The following USP14 variants were observed in gnomAD, a reference collection of about 807,000 sequenced individuals.
USP14 encodes ubiquitin specific peptidase 14.
A neutral mutation model predicts 76.5 loss-of-function variants in USP14; 38 were observed. That is an observed-to-expected ratio of 0.50 (90% CI 0.38 to 0.65). The LOEUF (loss-of-function observed/expected upper bound fraction) is 0.65. USP14 is among the 30% of genes least tolerant of loss of function. The probability of loss-of-function intolerance (pLI) is 0.00; values close to 1 mark genes in which losing one functional copy is unlikely to be tolerated. For synonymous variants in USP14, 192 were observed against 191.7 expected, an observed-to-expected ratio of 1.00 and a Z score of -0.01; for missense variants, 467 against 586.5, an observed-to-expected ratio of 0.80 and a Z score of 2.10.
chr18:195,412 G>C (rs1377977523), intron 6 of USP14, among the ~76,000 whole-genome samples: 2 of 152,174 alleles, frequency 1.3e-5, no homozygotes, highest in Admixed American at 1.3e-4. Flanking sequence ...GTATAATGAT[G>C]ATAGGTGACA....
intron 1 of USP14, among the ~76,000 whole-genome samples, chr18:159,517 T>C (rs963618865): frequency 1.3e-5 from 2 of 152,200 alleles, no homozygotes; most frequent in Non-Finnish European, 2.9e-5. Flanking sequence ...CAATTGGCTG[T>C]AGGTGTGTGA....
chr18:200,194 A>G (rs891251286), intron 10 of USP14, among the ~76,000 whole-genome samples: 3 of 152,148 alleles, frequency 2.0e-5, no homozygotes, highest in East Asian at 1.9e-4. Flanking sequence ...AGTTGTTTTC[A>G]TGGGCCCTAT....
chr18:158,684 C>A lies in USP14; in HGVS notation c.-15C>A, dbSNP rs1909021302. The A allele has an allele frequency of 2.6e-6, 4 of 1,525,686 alleles. No homozygotes were observed. Among genetic ancestry groups the A allele is most frequent in the East Asian group, 2.6e-5 (1 of 37,948 alleles). 94.5% of individuals were successfully genotyped at this position (1,525,686 alleles called of 1,614,324 possible). ...CCCAGCTCTCCTGCGCCGCCGCCTC[C>A]CGCCGCGCCCCGCCATGCCGCTCTA... is the stretch of plus-strand genomic sequence containing the variant. On this transcript the variant is annotated 5_prime_UTR_variant, in exon 1 of 16. Transcript: ENST00000261601.
At position 175,755 on chromosome 18, in the gene USP14, G is replaced by A. The variant is rs1909609493; in HGVS notation, c.196-3178G>A. 3.9e-5 allele frequency among the ~76,000 whole-genome samples: 6 copies of A among 152,092 alleles called. No homozygotes were observed. In the South Asian group the frequency reaches 1.2e-3, roughly 32 times the overall value. ...GAAGCATCCCCTCTTTTCTGAGTTT[G>A]TATTAATATTTTTTCTTCCTTTTTT... On this transcript the variant is annotated intron_variant, in intron 3 of 15. Coordinates refer to ENST00000261601, the MANE Select transcript of USP14 (RefSeq NM_005151.4).
intron 5 of USP14, among the ~76,000 whole-genome samples, chr18:185,889 A>T (rs1206043935): frequency 6.8e-6 from 1 of 146,502 alleles, no homozygotes; most frequent in Non-Finnish European, 1.5e-5. Context: ...TTAAGTAGAG[A>T]CAAGAGATGG....
chr18:158,758 C>T (rs1909025911), intron 1 of USP14, 44 bp downstream of exon 1: 1 of 1,451,432 alleles, frequency 6.9e-7, no homozygotes, highest in African/African-American at 1.5e-5. Context: ...CGGACCGGCG[C>T]TAGGCCTCCG....
intron 6 of USP14, among the ~76,000 whole-genome samples, chr18:194,462 A>C (rs1910176047): frequency 6.6e-6 from 1 of 152,230 alleles, no homozygotes; most frequent in Admixed American, 6.5e-5. Flanking sequence ...AATTTACAGA[A>C]AAGTTGTAAG....
intron 5 of USP14, among the ~76,000 whole-genome samples, chr18:188,999 C>G (rs1487375568): frequency 6.6e-6 from 1 of 152,000 alleles, no homozygotes; most frequent in Non-Finnish European, 1.5e-5. Context: ...TTTAAATGTA[C>G]TTATTCTCTT....
At chr18:169,266 C>T (rs1909371432) in intron 3 of USP14, among the ~76,000 whole-genome samples, 1 of 148,682 alleles carries the variant, frequency 6.7e-6, no homozygotes, top group Non-Finnish European at 1.5e-5. Flanking sequence ...TGGTGCACGC[C>T]AAGAGAATTG....
At chr18:182,574 A>C (rs1219546759) in intron 5 of USP14, among the ~76,000 whole-genome samples, 1 of 152,212 alleles carries the variant, frequency 6.6e-6, no homozygotes, top group Admixed American at 6.5e-5. Flanking sequence ...ATCTGTCTTC[A>C]AGGCACCTAC....
chr18:173,666 G>A (rs956463857), intron 3 of USP14, among the ~76,000 whole-genome samples: 1 of 152,036 alleles, frequency 6.6e-6, no homozygotes, highest in South Asian at 2.1e-4. Context: ...CAGGTGATCC[G>A]CCCACCTCGG....
intron 13 of USP14, among the ~76,000 whole-genome samples, chr18:205,655 C>T (rs1243812129): frequency 1.3e-5 from 2 of 152,092 alleles, no homozygotes; most frequent in East Asian, 1.9e-4. Context: ...GTGGCATACA[C>T]CGGTAGTTCT....
At chr18:174,268 CTTTTTT>C (rs34265974) in intron 3 of USP14, among the ~76,000 whole-genome samples, 1 of 130,556 alleles carries the variant, frequency 7.7e-6, no homozygotes, top group Non-Finnish European at 1.6e-5. Context: ...GTTTTTCTTT[CTTTTTT>C]TTTTTTTTTT....
chr18:198,503 G>A (rs1222683892), intron 9 of USP14, among the ~76,000 whole-genome samples: 1 of 152,070 alleles, frequency 6.6e-6, no homozygotes, highest in Non-Finnish European at 1.5e-5. Context: ...CCAGGTGTGA[G>A]CCACCGCGCC....
intron 13 of USP14, among the ~76,000 whole-genome samples, chr18:208,707 TGTG>T (rs1341262994): frequency 3.3e-5 from 5 of 152,128 alleles, no homozygotes; most frequent in Non-Finnish European, 2.9e-5. Flanking sequence ...TTGATGCCAT[TGTG>T]GTGACAGAAC....
chr18:193,893 C>T (rs953128948), intron 6 of USP14, among the ~76,000 whole-genome samples: 1 of 152,160 alleles, frequency 6.6e-6, no homozygotes, highest in Non-Finnish European at 1.5e-5. Context: ...TCCTGACAGT[C>T]GTGTACAAGT....
At position 214,005 on chromosome 18, in the gene USP14, AT is replaced by A. The variant is rs1910765003; in HGVS notation, c.*2723del. 1 of 149,288 alleles carries A rather than the reference AT, an allele frequency of 6.7e-6. No individual in the cohort carries two copies. Among genetic ancestry groups the A allele is most frequent in the South Asian group, 2.1e-4 (1 of 4,734 alleles). The allele number at this position is 149,288 out of a possible 1,614,324, so 9.2% of individuals were successfully genotyped here. On this transcript the variant is annotated 3_prime_UTR_variant, in exon 16 of 16. Transcript: ENST00000261601. ...TAGATAGATAGATAGATAGATGATGATTGATTGATGATTGATAGTAAATTAT... is the reference window on the plus strand; with the variant it reads ...TAGATAGATAGATAGATAGATGATGATGATTGATGATTGATAGTAAATTAT...
chr18:171,936 A>G (rs1474222480), intron 3 of USP14, among the ~76,000 whole-genome samples: 2 of 152,196 alleles, frequency 1.3e-5, no homozygotes, highest in African/African-American at 4.8e-5. Context: ...TGGTGTAAAT[A>G]GGAAGAAACT....
At chr18:210,631 T>C in intron 15 of USP14, 138 bp downstream of exon 15, 1 of 526,196 alleles carries the variant, frequency 1.9e-6, no homozygotes, top group Non-Finnish European at 3.2e-6. Context: ...CTTTGGTTTA[T>C]GAGGTTTGCC....
Sources: allele counts gnomAD v4.1 joint callset (sites outside exome capture counted in the v4.1 genomes callset), GRCh38; gene constraint gnomAD v4.1.1; transcripts MANE v1.5; gene names NCBI Gene and HGNC (gene_info 2026-07-23, HGNC 2026-07-21).